The following CNBD1 variants were observed in gnomAD, a reference collection of about 807,000 sequenced individuals.
CNBD1 encodes the protein cyclic nucleotide binding domain containing 1.
A neutral mutation model predicts 54.4 loss-of-function variants in CNBD1; 71 were observed. The observed-to-expected ratio is 1.30, with a 90% CI of 1.08 to 1.59. The LOEUF (loss-of-function observed/expected upper bound fraction) is 1.59. Among genes scored for constraint, CNBD1 ranks in the 40% most tolerant of loss-of-function variants. The pLI, the probability that CNBD1 is intolerant of heterozygous loss-of-function variation, is 0.00. For missense variants in CNBD1, 659 were observed against 518.0 expected (o/e 1.27, Z -2.64); for synonymous variants, 182 against 170.7 (o/e 1.07, Z -0.51).
At chr8:87,086,927 G>A (rs1410990905) in intron 4 of CNBD1, among the ~76,000 whole-genome samples, 1 of 151,982 alleles carries the variant, frequency 6.6e-6, no homozygotes, top group Admixed American at 6.6e-5. Flanking sequence ...AAATAGAAAA[G>A]TGAATGTGCT....
intron 4 of CNBD1, among the ~76,000 whole-genome samples, chr8:87,080,870 T>C (rs990532523): frequency 1.3e-5 from 2 of 152,130 alleles, no homozygotes; most frequent in Non-Finnish European, 2.9e-5. Flanking sequence ...TTTTAATATC[T>C]GTAGGATCTG....
At chr8:86,965,757 G>A (rs747373949) in intron 4 of CNBD1, among the ~76,000 whole-genome samples, 15 of 152,128 alleles carry the variant, frequency 9.9e-5, no homozygotes, top group East Asian at 1.9e-4. Flanking sequence ...GAAGACAAGC[G>A]AAGGGTGAAC....
At chr8:86,916,871 CTTTT>C (rs748549695) in intron 3 of CNBD1, among the ~76,000 whole-genome samples, 2 of 134,604 alleles carry the variant, frequency 1.5e-5, no homozygotes, top group Non-Finnish European at 1.6e-5. Flanking sequence ...GCCCAGCTAA[CTTTT>C]TTTTTTTTTT....
chr8:87,171,786 C>T (rs1020959743), intron 4 of CNBD1, among the ~76,000 whole-genome samples: 10 of 150,872 alleles, frequency 6.6e-5, no homozygotes, highest in African/African-American at 2.2e-4. Context: ...TACAGGTGCC[C>T]ACCACCACGC....
intron 3 of CNBD1, among the ~76,000 whole-genome samples, chr8:86,924,780 T>A (rs911736730): frequency 6.6e-6 from 1 of 152,340 alleles, no homozygotes; most frequent in East Asian, 1.9e-4. Flanking sequence ...TTTGCTTCTT[T>A]AATTTGAATT....
chr8:87,150,172 G>C (rs1277431795), intron 4 of CNBD1, among the ~76,000 whole-genome samples: 1 of 148,422 alleles, frequency 6.7e-6, no homozygotes, highest in African/African-American at 2.6e-5. Context: ...GCAAGACTCT[G>C]TCAAAAAACA....
chr8:87,390,069 C>T (rs1382534358), intron 2 of CNBD1, among the ~76,000 whole-genome samples: 1 of 150,832 alleles, frequency 6.6e-6, no homozygotes, highest in Non-Finnish European at 1.5e-5. Context: ...AACTGGATCC[C>T]TTCCTTACAC....
intron 4 of CNBD1, among the ~76,000 whole-genome samples, chr8:87,176,815 AC>A (rs1366448050): frequency 6.6e-6 from 1 of 152,092 alleles, no homozygotes; most frequent in African/African-American, 2.4e-5. Flanking sequence ...TACAAAGGAT[AC>A]TTTTTGTTTA....
intron 10 of CNBD1, among the ~76,000 whole-genome samples, chr8:87,364,777 A>T (rs1425923787): frequency 1.3e-5 from 2 of 152,096 alleles, no homozygotes; most frequent in East Asian, 3.9e-4. Context: ...ATTTATAAGG[A>T]TAATGTCCCC....
At chr8:86,949,132 A>G (rs1259497628) in intron 4 of CNBD1, among the ~76,000 whole-genome samples, 3 of 152,282 alleles carry the variant, frequency 2.0e-5, no homozygotes, top group African/African-American at 4.8e-5. Context: ...TGCCAGTAAC[A>G]TGCCATTTTG....
chr8:87,307,901 T>A (rs1346634856), intron 8 of CNBD1, among the ~76,000 whole-genome samples: 1 of 152,002 alleles, frequency 6.6e-6, no homozygotes, highest in East Asian at 1.9e-4. Flanking sequence ...TTTATACAAC[T>A]AGGAAGTTCA....
At chr8:87,249,038 C>G (rs1328649158) in intron 6 of CNBD1, among the ~76,000 whole-genome samples, 6 of 152,186 alleles carry the variant, frequency 3.9e-5, no homozygotes, top group Non-Finnish European at 7.3e-5. Flanking sequence ...TTGCCACTCA[C>G]TGATAGGGTT....
At chr8:86,949,438 A>G (rs1284303118) in intron 4 of CNBD1, among the ~76,000 whole-genome samples, 1 of 152,020 alleles carries the variant, frequency 6.6e-6, no homozygotes, top group Admixed American at 6.6e-5. Context: ...TCAGTGTTAT[A>G]TAGTTTTCTT....
At chr8:87,225,887 G>T (rs1208113728) in intron 5 of CNBD1, among the ~76,000 whole-genome samples, 6 of 148,220 alleles carry the variant, frequency 4.0e-5, no homozygotes, top group African/African-American at 1.6e-4. Context: ...TTTTTGGTTG[G>T]TAAGCTATTG....
At chr8:87,067,564 G>A (rs942349825) in intron 4 of CNBD1, among the ~76,000 whole-genome samples, 3 of 151,884 alleles carry the variant, frequency 2.0e-5, no homozygotes, top group African/African-American at 7.2e-5. Context: ...AATACGGAAG[G>A]TTTCAGGGCA....
intron 4 of CNBD1, among the ~76,000 whole-genome samples, chr8:87,158,714 T>C (rs1228591017): frequency 6.6e-6 from 1 of 152,160 alleles, no homozygotes; most frequent in Non-Finnish European, 1.5e-5. Flanking sequence ...GCTCTGGTAC[T>C]GTGTTTATGG....
intron 2 of CNBD1, among the ~76,000 whole-genome samples, chr8:87,421,545 G>A (rs201080284): frequency 4.0e-5 from 6 of 150,668 alleles, no homozygotes; most frequent in African/African-American, 9.8e-5. Context: ...TTGTTCTTGC[G>A]ATAGTTTACT....
At chr8:86,989,197 G>T (rs111528899) in intron 4 of CNBD1, among the ~76,000 whole-genome samples, 1,913 of 152,130 alleles carry the variant, frequency 0.013, 29 homozygotes, top group African/African-American at 0.037. Context: ...ATTTGAGCCT[G>T]GGAGATCAAA....
At chr8:87,231,931 G>T (rs1290277042) in intron 5 of CNBD1, among the ~76,000 whole-genome samples, 2 of 152,124 alleles carry the variant, frequency 1.3e-5, no homozygotes, top group Non-Finnish European at 2.9e-5. Context: ...TCTGTTGTCT[G>T]TCCCATAGGG....
Sources: gnomAD v4.1 joint callset for allele counts (sites outside exome capture counted in the v4.1 genomes callset) on GRCh38, gnomAD v4.1.1 for gene constraint, MANE v1.5 for transcripts, NCBI Gene and HGNC (gene_info 2026-07-23, HGNC 2026-07-21) for gene names.